SDK1: variants seen among roughly 807,000 people sequenced by gnomAD.
The protein encoded by SDK1 is protein sidekick-1.
A neutral mutation model predicts 245.5 loss-of-function variants in SDK1; 157 were observed. That is an observed-to-expected ratio of 0.64 (90% CI 0.56 to 0.73). SDK1 has a LOEUF of 0.73. Among genes scored for constraint, SDK1 ranks in the 30% least tolerant of loss-of-function variants. SDK1 has a pLI of 0.00. For missense variants in SDK1, 3,583 were observed against 3,002.3 expected, an observed-to-expected ratio of 1.19 and a Z score of -4.52; for synonymous variants, 1,647 against 1,278.5, an observed-to-expected ratio of 1.29 and a Z score of -6.15.
At chr7:3,382,369 G>A (rs895120300) in intron 1 of SDK1, among the ~76,000 whole-genome samples, 5 of 152,152 alleles carry the variant, frequency 3.3e-5, no homozygotes, top group African/African-American at 1.2e-4. Context: ...TTTGAACCAC[G>A]TATCTGACTC....
intron 1 of SDK1, among the ~76,000 whole-genome samples, chr7:3,422,035 CAAAAT>C (rs1176862297): frequency 2.0e-5 from 3 of 151,860 alleles, no homozygotes; most frequent in Admixed American, 6.6e-5. Flanking sequence ...GGATGGTTCT[CAAAAT>C]AAAATAGGAA....
intron 41 of SDK1, among the ~76,000 whole-genome samples, chr7:4,235,545 A>G (rs915768482): frequency 9.2e-5 from 14 of 152,232 alleles, no homozygotes; most frequent in African/African-American, 3.4e-4. Context: ...AATATTTTAA[A>G]TGTACCCCAA....
chr7:3,798,352 G>T (rs1228805653), intron 4 of SDK1, among the ~76,000 whole-genome samples: 1 of 151,556 alleles, frequency 6.6e-6, no homozygotes, highest in African/African-American at 2.4e-5. Context: ...CGAGTAGCTG[G>T]GACTACAGGC....
intron 4 of SDK1, among the ~76,000 whole-genome samples, chr7:3,741,174 A>G (rs1235721575): frequency 6.6e-6 from 1 of 152,232 alleles, no homozygotes; most frequent in Non-Finnish European, 1.5e-5. Flanking sequence ...AGTGCTAAGA[A>G]ATATGTCAGA....
chr7:4,092,116 G>T (rs891400506), intron 22 of SDK1, among the ~76,000 whole-genome samples: 1 of 152,176 alleles, frequency 6.6e-6, no homozygotes, highest in East Asian at 1.9e-4. Context: ...AGTCTTTTAG[G>T]TCATGTTCTT....
At chr7:4,231,521 T>C (rs1193260895) in intron 40 of SDK1, among the ~76,000 whole-genome samples, 1 of 149,410 alleles carries the variant, frequency 6.7e-6, no homozygotes, top group East Asian at 2.0e-4. Flanking sequence ...TGCAGTGAGC[T>C]ATGATTGCAC....
intron 1 of SDK1, among the ~76,000 whole-genome samples, chr7:3,523,627 G>T (rs779982595): frequency 6.6e-6 from 1 of 152,114 alleles, no homozygotes; most frequent in Non-Finnish European, 1.5e-5. Flanking sequence ...CCAAGCATTT[G>T]TGATACCTCA....
chr7:3,324,441 C>G (rs1032393136), intron 1 of SDK1, among the ~76,000 whole-genome samples: 3 of 152,054 alleles, frequency 2.0e-5, no homozygotes, highest in African/African-American at 7.2e-5. Context: ...AACTTTCAGC[C>G]TTTGAAAAGT....
chr7:3,567,992 T>C (rs969818017), intron 1 of SDK1, among the ~76,000 whole-genome samples: 2 of 152,082 alleles, frequency 1.3e-5, no homozygotes, highest in African/African-American at 4.8e-5. Context: ...AATTTTTTGA[T>C]TGTTTTTTTG....
intron 2 of SDK1, among the ~76,000 whole-genome samples, chr7:3,620,708 A>T (rs79190087): frequency 6.6e-6 from 1 of 151,982 alleles, no homozygotes. Flanking sequence ...TGCAGCCCCA[A>T]TCAGGAGCAG....
chr7:3,565,574 G>A (rs1485687608), intron 1 of SDK1, among the ~76,000 whole-genome samples: 1 of 152,154 alleles, frequency 6.6e-6, no homozygotes, highest in Non-Finnish European at 1.5e-5. Context: ...AGAGTACAAT[G>A]ACATTACTGT....
At chr7:4,249,487 G>C (rs1189478063) in intron 44 of SDK1, among the ~76,000 whole-genome samples, 1 of 152,184 alleles carries the variant, frequency 6.6e-6, no homozygotes, top group African/African-American at 2.4e-5. Flanking sequence ...TGCTTCTGGA[G>C]GCTGATGAAA....
chr7:3,619,209 G>T lies in SDK1; in HGVS notation c.428G>T (p.Ser143Ile), dbSNP rs1269038659. 6.2e-7 allele frequency: 1 copy of T among 1,613,058 alleles called. No individual in the cohort carries two copies. The highest frequency in any genetic ancestry group is 1.3e-5 in the African/African-American group (1 of 75,028). The change falls in exon 2 of 45, where the codon AGT (serine) becomes ATT (isoleucine). Residue 143 changes from serine (S) to isoleucine (I), a missense_variant. Physicochemically the swap from Ser to Ile is moderately radical, Grantham distance 142. Transcript: ENST00000404826. ...GAGTTCAAGTGGATGCGCGATGACA[G>T]TGAGCTCACCACCTACAGCAGCGAA... Reference protein sequence around the residue: ...PLEFKWMRDDSELTTYSSEYK... With the variant: ...PLEFKWMRDDIELTTYSSEYK...
In SDK1 at chr7:4,268,601, G is replaced by C. The variant is rs1788615248; in HGVS notation, c.*3217G>C. ...TCGGAGGCCGTGTTTGTATCTAACT[G>C]TGACTGGGCTGAAGCATGATGTTTG... is the stretch of plus-strand genomic sequence containing the variant. On this transcript the variant is annotated 3_prime_UTR_variant, in exon 45 of 45. Coordinates refer to ENST00000404826, the MANE Select transcript of SDK1 (RefSeq NM_152744.4). 7.3e-7 allele frequency: 1 copy of C among 1,364,798 alleles called. No homozygotes were observed. Among genetic ancestry groups the C allele is most frequent in the Middle Eastern group, 2.1e-4 (1 of 4,752 alleles). The allele number at this position is 1,364,798 out of a possible 1,614,324, so 84.5% of individuals were successfully genotyped here. A position where few individuals can be genotyped will look rare whatever the true frequency, so the allele number is the denominator to read the frequency against.
At position 4,139,933 on chromosome 7, in the gene SDK1, G is replaced by A. The variant is rs79812837; in HGVS notation, c.4229-5789G>A. 0.011 allele frequency among the ~76,000 whole-genome samples: 1,605 copies of A among 152,184 alleles called. 43 individuals carry two copies. The East Asian group carries it at 0.12, about 12-fold the overall frequency. On this transcript the variant is annotated intron_variant, in intron 28 of 44. Coordinates refer to ENST00000404826, the MANE Select transcript of SDK1 (RefSeq NM_152744.4). ...TGGGAACGATCTGGTAATGGGGCAG[G>A]GCCCCAGGCCTCCCTGAACAACAAG...
At position 3,319,824 on chromosome 7, in the gene SDK1, A is replaced by G. The variant is rs927309316; in HGVS notation, c.298+17940A>G. On this transcript the variant is annotated intron_variant, in intron 1 of 44. Transcript: ENST00000404826. ...ACTTTAGTTATACTGTTTCTACTTT[A>G]TATTACAAATCTGGTTTCCTCTTCC... Among the ~76,000 whole-genome samples, 3 of 140,212 alleles carry G rather than the reference A, an allele frequency of 2.1e-5. 1 individual carries two copies. Among genetic ancestry groups the G allele is most frequent in the African/African-American group, 8.1e-5 (3 of 36,894 alleles). The allele number at this position is 140,212 out of a possible 152,430, so 92.0% of individuals were successfully genotyped here.
intron 4 of SDK1, among the ~76,000 whole-genome samples, chr7:3,739,269 A>G (rs1262226737): frequency 1.3e-5 from 2 of 152,112 alleles, no homozygotes; most frequent in African/African-American, 2.4e-5. Context: ...CTGGGTGTTG[A>G]TATCTTTGCA....
intron 32 of SDK1, among the ~76,000 whole-genome samples, chr7:4,173,796 G>A (rs1199940868): frequency 6.6e-6 from 1 of 152,146 alleles, no homozygotes; most frequent in Non-Finnish European, 1.5e-5. Context: ...GCCACAGCCT[G>A]GATGGCCAGG....
chr7:3,774,693 G>C (rs1224130873), intron 4 of SDK1, among the ~76,000 whole-genome samples: 1 of 152,086 alleles, frequency 6.6e-6, no homozygotes, highest in Non-Finnish European at 1.5e-5. Context: ...CATCTTCCCA[G>C]AATCATCCTC....
Sources: allele counts gnomAD v4.1 joint callset (sites outside exome capture counted in the v4.1 genomes callset), GRCh38; gene constraint gnomAD v4.1.1; transcripts MANE v1.5; gene names NCBI Gene and HGNC (gene_info 2026-07-23, HGNC 2026-07-21).